Variants in EHD1 observed in about 807,000 individuals in gnomAD.
EHD1 encodes EH domain-containing protein 1.
In EHD1, 19 loss-of-function variants were observed where a neutral mutation model predicts 39.0. That is an observed-to-expected ratio of 0.49 (90% CI 0.34 to 0.72). The LOEUF is 0.72. EHD1 is among the 30% of genes least tolerant of loss of function. The probability of loss-of-function intolerance (pLI) is 0.01; values close to 1 mark genes in which losing one functional copy is unlikely to be tolerated. For missense variants in EHD1, 542 were observed against 751.5 expected, an observed-to-expected ratio of 0.72 and a Z score of 3.26; for synonymous variants, 323 against 331.2, an observed-to-expected ratio of 0.98 and a Z score of 0.27.
chr11:64,871,479 T>G (rs1943830519), intron 2 of EHD1, among the ~76,000 whole-genome samples: 1 of 152,270 alleles, frequency 6.6e-6, no homozygotes, highest in Non-Finnish European at 1.5e-5. Flanking sequence ...CAAGAGGTAC[T>G]GAGCGATGGT....
upstream of EHD1, among the ~76,000 whole-genome samples, chr11:64,879,307 C>T (rs534258905): frequency 6.6e-6 from 1 of 151,986 alleles, no homozygotes; most frequent in Non-Finnish European, 1.5e-5. Flanking sequence ...GGGAGAGGGA[C>T]GCAAGCGAGG....
At position 64,878,079 on chromosome 11, in the gene EHD1, C is replaced by A; in HGVS notation, c.386G>T (p.Gly129Val). ...RRPFRKLNAF[G>V]NAFLNRFMCA... ...TGGGTACCTGTTGAGGAAAGCGTTG[C>A]CAAACGCGTTGAGCTTGCGGAAGGG... is the stretch of plus-strand genomic sequence containing the variant. The change falls in exon 1 of 5, where the codon GGC (glycine) becomes GTC (valine). Residue 129 changes from glycine to valine, a missense_variant. Coordinates refer to ENST00000320631, the MANE Select transcript of EHD1 (RefSeq NM_006795.4). 1 of 1,524,414 alleles carries A rather than the reference C, an allele frequency of 6.6e-7. No homozygotes were observed. Among genetic ancestry groups the A allele is most frequent in the South Asian group, 1.3e-5 (1 of 79,062 alleles). The allele number at this position is 1,524,414 out of a possible 1,614,324, so 94.4% of individuals were successfully genotyped here.
chr11:64,854,952 T>C (rs1156337693), intron 4 of EHD1, 95 bp from the exon 5 acceptor site: 4 of 1,470,750 alleles, frequency 2.7e-6, no homozygotes, highest in African/African-American at 2.8e-5. Flanking sequence ...AAGCATAAAG[T>C]GCTGCTCCCC....
chr11:64,861,747 A>C (rs1337328505), intron 2 of EHD1, among the ~76,000 whole-genome samples: 1 of 152,304 alleles, frequency 6.6e-6, no homozygotes, highest in South Asian at 2.1e-4. Context: ...AGTATTAACT[A>C]TCCCACCCTT....
intron 2 of EHD1, among the ~76,000 whole-genome samples, chr11:64,860,992 C>T (rs1470463724): frequency 1.3e-5 from 2 of 148,820 alleles, no homozygotes; most frequent in Non-Finnish European, 3.0e-5. Flanking sequence ...TGCACTCCAG[C>T]CTGGGCAACA....
intron 2 of EHD1, among the ~76,000 whole-genome samples, chr11:64,870,974 G>C (rs1023719313): frequency 2.6e-5 from 4 of 152,196 alleles, no homozygotes; most frequent in African/African-American, 9.7e-5. Context: ...AGGGGTCCCT[G>C]ACAGAGCCTG....
At chr11:64,864,519 C>A (rs1449734865) in intron 2 of EHD1, among the ~76,000 whole-genome samples, 3 of 152,336 alleles carry the variant, frequency 2.0e-5, no homozygotes. Flanking sequence ...CCTCTGCCCC[C>A]GGGGGATGAG....
intron 4 of EHD1, 141 bp from the exon 5 acceptor site, chr11:64,854,998 C>T (rs1943633582): frequency 8.9e-7 from 1 of 1,121,280 alleles, no homozygotes; most frequent in Middle Eastern, 3.0e-4. Context: ...AACCATCTGG[C>T]CCTTGGCTCT....
chr11:64,861,933 G>C (rs1453624880), intron 2 of EHD1, among the ~76,000 whole-genome samples: 1 of 152,024 alleles, frequency 6.6e-6, no homozygotes, highest in Admixed American at 6.6e-5. Context: ...TTAGAGACAG[G>C]GTTTTGCTCT....
intron 2 of EHD1, among the ~76,000 whole-genome samples, chr11:64,872,478 A>C (rs946390046): frequency 1.3e-5 from 2 of 152,174 alleles, no homozygotes; most frequent in Non-Finnish European, 2.9e-5. Flanking sequence ...TAAAAGAGTA[A>C]CTTAATCAGA....
At chr11:64,879,454 G>C, upstream of EHD1, 1 of 1,240,226 alleles carries the variant, frequency 8.1e-7, no homozygotes, top group Non-Finnish European at 1.1e-6. Flanking sequence ...AGTGAAATCG[G>C]AAATTCCCTA....
chr11:64,858,993 C>G (rs1234266958), intron 3 of EHD1, among the ~76,000 whole-genome samples: 2 of 152,266 alleles, frequency 1.3e-5, no homozygotes, highest in Admixed American at 1.3e-4. Flanking sequence ...TGTCTCCTCA[C>G]GAGCTGCTTC....
At position 64,860,065 on chromosome 11, in the gene EHD1, C is replaced by G. The variant is rs760398339; in HGVS notation, c.774G>C (p.Trp258Cys). 6 of 1,613,976 alleles carry G rather than the reference C, an allele frequency of 3.7e-6. No homozygotes were observed. The South Asian group carries it at 6.6e-5, about 18-fold the overall frequency. Residue 258 changes from tryptophan (W) to cysteine (C), a missense_variant, in exon 3 of 5, where the codon TGG (tryptophan) becomes TGC (cysteine). Trp to Cys is a radical substitution (Grantham distance 215). Transcript: ENST00000320631. Reference protein sequence around the residue: ...EVVRVYIGSFWSHPLLIPDNR... With the variant: ...EVVRVYIGSFCSHPLLIPDNR... ...TGTCGGGGATGAGGAGCGGGTGGGA[C>G]CAGAAGGAGCCGATGTAGACCCTGA...
At position 64,877,987 on chromosome 11, in the gene EHD1, A is replaced by G. The variant is rs1943903324; in HGVS notation, c.404+74T>C. ...GACAAAGGACGGCGGGGCGACAGCC[A>G]CGGGAGGGTCAGGCTCCGAGTGAGG... On this transcript the variant is annotated intron_variant, in intron 1 of 4. Coordinates refer to ENST00000320631, the MANE Select transcript of EHD1 (RefSeq NM_006795.4). The G allele has an allele frequency of 2.1e-6, 3 of 1,406,404 alleles. No homozygotes were observed. In the African/African-American group the frequency reaches 4.3e-5, roughly 20 times the overall value. The allele number at this position is 1,406,404 out of a possible 1,614,324, so 87.1% of individuals were successfully genotyped here.
chr11:64,864,778 C>T (rs953871437), intron 2 of EHD1, among the ~76,000 whole-genome samples: 11 of 152,204 alleles, frequency 7.2e-5, no homozygotes, highest in Admixed American at 5.9e-4. Flanking sequence ...GGAATGAGGG[C>T]GCCCTGATGG....
chr11:64,877,333 G>T (rs1247315101), intron 1 of EHD1, among the ~76,000 whole-genome samples: 2 of 152,178 alleles, frequency 1.3e-5, no homozygotes, highest in Non-Finnish European at 2.9e-5. Context: ...AGGTCCAAGT[G>T]GGTGAAGGAA....
rs541226978 is a variant in EHD1 at position 64,855,063 on chromosome 11, G to T, written c.1081-206C>A. 2.1e-3 allele frequency: 1,781 copies of T among 838,606 alleles called. 3 individuals carry two copies. The highest frequency in any genetic ancestry group is 8.3e-3 in the Middle Eastern group (23 of 2,774). 51.9% of individuals were successfully genotyped at this position (838,606 alleles called of 1,614,324 possible). On this transcript the variant is annotated intron_variant, in intron 4 of 4. Coordinates refer to ENST00000320631, the MANE Select transcript of EHD1 (RefSeq NM_006795.4). ...TCTTTCCTTGCAGGGCTGCGGCAAGGATTCATGGACAGGGCACCAGAGCGC... is the reference window on the plus strand; with the variant it reads ...TCTTTCCTTGCAGGGCTGCGGCAAGTATTCATGGACAGGGCACCAGAGCGC...
chr11:64,872,593 C>T (rs1479269519), intron 2 of EHD1, among the ~76,000 whole-genome samples: 1 of 146,404 alleles, frequency 6.8e-6, no homozygotes. Context: ...TACTAGCCCT[C>T]GCTTTTTTTT....
chr11:64,852,169 C>A lies in EHD1; in HGVS notation c.*2164G>T, dbSNP rs1943588851. The A allele has an allele frequency of 6.6e-6, 1 of 152,284 alleles. No individual in the cohort carries two copies. The highest frequency in any genetic ancestry group is 1.5e-5 in the Non-Finnish European group (1 of 68,070). 9.4% of individuals were successfully genotyped at this position (152,284 alleles called of 1,614,324 possible). ...CACCCTTTTATGAAGGGTCACTAATCAGTCACCCTTCCCTCTGCTGGTATA... is the reference window on the plus strand; with the variant it reads ...CACCCTTTTATGAAGGGTCACTAATAAGTCACCCTTCCCTCTGCTGGTATA... On this transcript the variant is annotated 3_prime_UTR_variant, in exon 5 of 5. Transcript: ENST00000320631.
Sources: allele counts gnomAD v4.1 joint callset (sites outside exome capture counted in the v4.1 genomes callset), GRCh38; gene constraint gnomAD v4.1.1; transcripts MANE v1.5; gene names NCBI Gene and HGNC (gene_info 2026-07-23, HGNC 2026-07-21).